The following DNAJC7 variants were observed in gnomAD, a reference collection of about 807,000 sequenced individuals.
The protein encoded by DNAJC7 is DnaJ heat shock protein family (Hsp40) member C7.
Under a neutral mutation model 67.4 loss-of-function variants are expected in DNAJC7, and 18 were observed. The observed-to-expected ratio is 0.27, with a 90% CI of 0.18 to 0.40. The LOEUF is 0.40. Ranked by LOEUF, DNAJC7 falls within the 10% of genes least tolerant of loss-of-function variation. The probability of loss-of-function intolerance (pLI) is 1.00; values close to 1 mark genes in which losing one functional copy is unlikely to be tolerated. For missense variants in DNAJC7, 419 were observed against 613.8 expected, an observed-to-expected ratio of 0.68 and a Z score of 3.35; for synonymous variants, 220 against 207.8, an observed-to-expected ratio of 1.06 and a Z score of -0.50.
intron 1 of DNAJC7, among the ~76,000 whole-genome samples, chr17:42,002,218 G>C (rs1758428721): frequency 6.6e-6 from 1 of 152,208 alleles, no homozygotes; most frequent in South Asian, 2.1e-4. Flanking sequence ...CTGCTGTGAA[G>C]AAATGGAGTA....
At chr17:41,999,228 G>C (rs1429429407) in intron 2 of DNAJC7, among the ~76,000 whole-genome samples, 1 of 148,914 alleles carries the variant, frequency 6.7e-6, no homozygotes, top group Non-Finnish European at 1.5e-5. Context: ...GATTACAAGC[G>C]CCCACCACAC....
chr17:41,983,369 C>G (rs1388132728), intron 10 of DNAJC7, among the ~76,000 whole-genome samples, 194 bp downstream of exon 10: 1 of 152,190 alleles, frequency 6.6e-6, no homozygotes, highest in Non-Finnish European at 1.5e-5. Context: ...GGTGATCTGC[C>G]TGCCTCAGCC....
intron 8 of DNAJC7, among the ~76,000 whole-genome samples, chr17:41,988,291 G>A (rs1455487832): frequency 1.3e-5 from 2 of 152,150 alleles, no homozygotes; most frequent in Non-Finnish European, 2.9e-5. Context: ...TTTTGTTTCT[G>A]ATGTTGGGTA....
At chr17:41,987,727 C>G in intron 9 of DNAJC7, 92 bp downstream of exon 9, 1 of 1,120,770 alleles carries the variant, frequency 8.9e-7, no homozygotes. Flanking sequence ...AATGACCTCA[C>G]AACATCTCTG....
At chr17:42,006,223 G>A (rs1033496293) in intron 1 of DNAJC7, among the ~76,000 whole-genome samples, 5 of 149,596 alleles carry the variant, frequency 3.3e-5, no homozygotes, top group South Asian at 2.1e-4. Context: ...GCGCAATCTC[G>A]GCTCATTGCA....
chr17:42,001,567 G>A (rs2051807694), intron 1 of DNAJC7, among the ~76,000 whole-genome samples: 1 of 152,146 alleles, frequency 6.6e-6, no homozygotes, highest in African/African-American at 2.4e-5. Context: ...TTACTGAAAT[G>A]ATTACTGCAA....
At chr17:41,982,714 G>C (rs1555646184) in intron 10 of DNAJC7, among the ~76,000 whole-genome samples, 2 of 152,160 alleles carry the variant, frequency 1.3e-5, no homozygotes, top group East Asian at 1.9e-4. Context: ...CAAGATGGGA[G>C]GAATCAAGCT....
intron 1 of DNAJC7, among the ~76,000 whole-genome samples, chr17:42,002,836 C>T (rs1234614465): frequency 1.3e-5 from 2 of 152,152 alleles, no homozygotes; most frequent in African/African-American, 4.8e-5. Context: ...TAAACTAAGA[C>T]ACACAGTACA....
chr17:41,985,232 A>G (rs1014817770), intron 9 of DNAJC7: 3 of 152,208 alleles, frequency 2.0e-5, no homozygotes, highest in African/African-American at 7.2e-5. Context: ...CATCTTGGGC[A>G]TCTTTGATTT....
intron 9 of DNAJC7, chr17:41,984,659 T>G (rs2051332651): frequency 1.3e-5 from 2 of 152,148 alleles, no homozygotes; most frequent in South Asian, 2.1e-4. Context: ...GCATTTTCCA[T>G]GCCCAGATAA....
At chr17:42,004,250 G>A (rs986743585) in intron 1 of DNAJC7, among the ~76,000 whole-genome samples, 10 of 152,068 alleles carry the variant, frequency 6.6e-5, no homozygotes, top group African/African-American at 4.8e-5. Context: ...CAGCCACCAC[G>A]CCTGGCCAAG....
intron 3 of DNAJC7, among the ~76,000 whole-genome samples, 190 bp downstream of exon 3, chr17:41,996,925 G>C (rs144787217): frequency 8.5e-5 from 13 of 152,242 alleles, no homozygotes; most frequent in African/African-American, 2.9e-4. Flanking sequence ...GGGCAGAGGG[G>C]GTGCTACTCA....
In DNAJC7 at chr17:41,986,530, C is replaced by CTT. The variant is rs74268062; in HGVS notation, c.1010+1287_1010+1288dup. On this transcript the variant is annotated intron_variant, in intron 9 of 13. Coordinates refer to ENST00000457167, the MANE Select transcript of DNAJC7 (RefSeq NM_003315.4). ...GACATGTAGGTGATTCTCCCCCCGC[C>CTT]TTTTTTTTTTTTTTTTTTTGCTATT... Among the ~76,000 whole-genome samples, 53 of 128,692 alleles carry CTT rather than the reference C, an allele frequency of 4.1e-4. 1 individual carries two copies. Among genetic ancestry groups the CTT allele is most frequent in the East Asian group, 1.3e-3 (6 of 4,592 alleles). The allele number at this position is 128,692 out of a possible 152,430, so 84.4% of individuals were successfully genotyped here. A position where few individuals can be genotyped will look rare whatever the true frequency, so the allele number is the denominator to read the frequency against.
At chr17:42,001,888 AAGG>A (rs1237812289) in intron 1 of DNAJC7, among the ~76,000 whole-genome samples, 4 of 152,192 alleles carry the variant, frequency 2.6e-5, no homozygotes, top group Non-Finnish European at 4.4e-5. Flanking sequence ...AGGCTGCTAG[AAGG>A]AGAAGGCAAA....
chr17:42,006,392 C>T (rs978342015), intron 1 of DNAJC7, among the ~76,000 whole-genome samples: 1 of 151,630 alleles, frequency 6.6e-6, no homozygotes, highest in Admixed American at 6.6e-5. Flanking sequence ...TATAGGCTCA[C>T]GCCTATAATC....
intron 5 of DNAJC7, among the ~76,000 whole-genome samples, chr17:41,992,098 G>A (rs2143198515): frequency 6.6e-6 from 1 of 152,350 alleles, no homozygotes; most frequent in East Asian, 1.9e-4. Context: ...ACTTTCTGCA[G>A]TGTCACACAG....
At chr17:42,009,882 C>T (rs185769331) in intron 1 of DNAJC7, among the ~76,000 whole-genome samples, 26 of 152,332 alleles carry the variant, frequency 1.7e-4, no homozygotes, top group South Asian at 1.2e-3. Context: ...CAGTGGCTCA[C>T]GCCTGTAATC....
intron 6 of DNAJC7, among the ~76,000 whole-genome samples, chr17:41,990,033 C>T (rs1296542150): frequency 1.3e-5 from 2 of 152,218 alleles, no homozygotes; most frequent in African/African-American, 4.8e-5. Flanking sequence ...AACAAAACCA[C>T]AAAAACACAA....
At chr17:42,004,365 T>C (rs1173373401) in intron 1 of DNAJC7, among the ~76,000 whole-genome samples, 1 of 152,142 alleles carries the variant, frequency 6.6e-6, no homozygotes, top group Non-Finnish European at 1.5e-5. Context: ...GTCTCCTAAG[T>C]CCTAGAAGTT....
Sources: allele counts gnomAD v4.1 joint callset (sites outside exome capture counted in the v4.1 genomes callset), GRCh38; gene constraint gnomAD v4.1.1; transcripts MANE v1.5; gene names NCBI Gene and HGNC (gene_info 2026-07-23, HGNC 2026-07-21).